STIMATE: variants seen among roughly 807,000 people sequenced by gnomAD.
STIMATE encodes store-operated calcium entry regulator STIMATE.
In STIMATE, 15 loss-of-function variants were observed where a neutral mutation model predicts 36.7. The ratio of observed to expected loss-of-function variants is 0.41; its 90% CI spans 0.27 to 0.63. The LOEUF is 0.63. Ranked by LOEUF, STIMATE falls within the 20% of genes least tolerant of loss-of-function variation. The pLI is 0.32. For synonymous variants in STIMATE, 163 were observed against 162.3 expected, an observed-to-expected ratio of 1.00 and a Z score of -0.03; for missense variants, 305 against 397.3, an observed-to-expected ratio of 0.77 and a Z score of 1.98.
chr3:52,852,129 T>TG (rs1187221915), intron 3 of STIMATE, among the ~76,000 whole-genome samples: 1 of 152,152 alleles, frequency 6.6e-6, no homozygotes, highest in Non-Finnish European at 1.5e-5. Flanking sequence ...AGGTCACAGA[T>TG]GGATTGCTCT....
intron 4 of STIMATE, among the ~76,000 whole-genome samples, chr3:52,846,047 A>G (rs1250273125): frequency 6.6e-6 from 1 of 152,348 alleles, no homozygotes; most frequent in South Asian, 2.1e-4. Flanking sequence ...TTTCTGCAGC[A>G]ATCCCTGTTT....
intron 1 of STIMATE, among the ~76,000 whole-genome samples, chr3:52,864,945 CTCTTT>C (rs1351657172): frequency 6.8e-6 from 1 of 146,484 alleles, no homozygotes. Flanking sequence ...ACAAGTCTCT[CTCTTT>C]TCTTTTTTTT....
At chr3:52,855,577 C>G in intron 1 of STIMATE, 133 bp from the exon 2 acceptor site, 2 of 1,289,864 alleles carry the variant, frequency 1.6e-6, no homozygotes, top group East Asian at 2.5e-5. Context: ...TAACATGTAA[C>G]AACATACAGT....
chr3:52,850,198 C>T (rs191680168), intron 3 of STIMATE, among the ~76,000 whole-genome samples: 15 of 152,222 alleles, frequency 9.9e-5, no homozygotes, highest in South Asian at 4.1e-4. Flanking sequence ...TTTGGGAGGC[C>T]GAGGCGGGTG....
At position 52,897,534 on chromosome 3, in the gene STIMATE, C is replaced by G. The variant is rs1020692217; in HGVS notation, c.-84G>C. 1.2e-5 allele frequency: 14 copies of G among 1,180,310 alleles called. No homozygotes were observed. The highest frequency in any genetic ancestry group is 3.2e-5 in the African/African-American group (2 of 62,270). 73.1% of individuals were successfully genotyped at this position (1,180,310 alleles called of 1,614,324 possible). A position where few individuals can be genotyped will look rare whatever the true frequency, so the allele number is the denominator to read the frequency against. On this transcript the variant is annotated 5_prime_UTR_variant, in exon 1 of 8. Coordinates refer to ENST00000355083, the MANE Select transcript of STIMATE (RefSeq NM_198563.5). ...GGCGCAGCGCCGCCAAACCCGCAGC[C>G]GGGATCCCAAGCCTGAGCCGGTACC...
At chr3:52,851,018 C>T (rs144795191) in intron 3 of STIMATE, among the ~76,000 whole-genome samples, 5 of 152,204 alleles carry the variant, frequency 3.3e-5, no homozygotes, top group Non-Finnish European at 5.9e-5. Flanking sequence ...CCTGAGCCAC[C>T]GTGCCCGGCC....
At chr3:52,878,198 G>A (rs9850563) in intron 1 of STIMATE, among the ~76,000 whole-genome samples, 83,725 of 151,924 alleles carry the variant, frequency 0.55, 24,008 homozygotes, top group Non-Finnish European at 0.63. Context: ...CTACCATAAT[G>A]TGGCCTGGTG....
intron 1 of STIMATE, among the ~76,000 whole-genome samples, chr3:52,874,172 T>C (rs1269081672): frequency 2.0e-5 from 3 of 152,212 alleles, no homozygotes; most frequent in African/African-American, 2.4e-5. Flanking sequence ...TGTCCATCGA[T>C]AGGGAAGGGG....
chr3:52,890,254 A>C (rs1299071490), intron 1 of STIMATE, among the ~76,000 whole-genome samples: 1 of 152,228 alleles, frequency 6.6e-6, no homozygotes, highest in Non-Finnish European at 1.5e-5. Flanking sequence ...CGTCAAGGAA[A>C]CATCCAATAG....
intron 1 of STIMATE, among the ~76,000 whole-genome samples, chr3:52,869,357 T>G (rs1397871664): frequency 6.6e-6 from 1 of 152,216 alleles, no homozygotes; most frequent in Non-Finnish European, 1.5e-5. Context: ...ACAGGCTTTG[T>G]AAGTTGGCAA....
At chr3:52,856,667 G>A (rs1575331864) in intron 1 of STIMATE, among the ~76,000 whole-genome samples, 1 of 150,096 alleles carries the variant, frequency 6.7e-6, no homozygotes, top group Admixed American at 6.6e-5. Context: ...CTGGGCAACA[G>A]AGCGAGACTC....
At chr3:52,891,404 G>T (rs901059772) in intron 1 of STIMATE, among the ~76,000 whole-genome samples, 1 of 152,230 alleles carries the variant, frequency 6.6e-6, no homozygotes, top group Non-Finnish European at 1.5e-5. Context: ...CAGAAAAGAG[G>T]CCGGCTCCAG....
chr3:52,871,186 C>A (rs892403431), intron 1 of STIMATE, among the ~76,000 whole-genome samples: 1 of 152,158 alleles, frequency 6.6e-6, no homozygotes, highest in Non-Finnish European at 1.5e-5. Context: ...AGGTACCAAA[C>A]AAAGGGTGAC....
intron 3 of STIMATE, among the ~76,000 whole-genome samples, chr3:52,850,592 G>A (rs1700980975): frequency 6.6e-6 from 1 of 152,202 alleles, no homozygotes; most frequent in Non-Finnish European, 1.5e-5. Context: ...TGACAGTCCA[G>A]CCCAGGAGGC....
intron 1 of STIMATE, among the ~76,000 whole-genome samples, chr3:52,874,990 T>C (rs1006331909): frequency 1.3e-5 from 2 of 152,194 alleles, no homozygotes; most frequent in African/African-American, 4.8e-5. Context: ...AGAGAAAAGC[T>C]TCCAGCAGGC....
intron 1 of STIMATE, 114 bp downstream of exon 1, chr3:52,897,177 G>T (rs1300326678): frequency 2.9e-6 from 4 of 1,357,516 alleles, no homozygotes; most frequent in Non-Finnish European, 3.9e-6. Flanking sequence ...GTTTGCGGGG[G>T]AGGAGCAATT....
Position 52,849,486 on chromosome 3 carries a change from C to G in STIMATE, c.427+306G>C, listed in dbSNP as rs374781908. 7.9e-5 allele frequency among the ~76,000 whole-genome samples: 12 copies of G among 152,326 alleles called. No individual in the cohort carries two copies. The East Asian group carries it at 1.2e-3, about 15-fold the overall frequency. On this transcript the variant is annotated intron_variant, in intron 4 of 7. Transcript: ENST00000355083. ...TGGCAGAACGAAGAGTCCCTGCGGG[C>G]CTGTGTGTGGGACTGCTGGTGTCTT... is the stretch of plus-strand genomic sequence containing the variant.
intron 1 of STIMATE, among the ~76,000 whole-genome samples, chr3:52,874,697 C>T (rs1701468426): frequency 6.6e-6 from 1 of 152,012 alleles, no homozygotes; most frequent in South Asian, 2.1e-4. Flanking sequence ...CCAGTCTCTA[C>T]TGAAAATAAA....
intron 1 of STIMATE, among the ~76,000 whole-genome samples, chr3:52,896,227 T>C (rs2106743125): frequency 6.6e-6 from 1 of 152,226 alleles, no homozygotes. Context: ...AGCTGCAAGA[T>C]CCCTCCTGAG....
Sources: gnomAD v4.1 joint callset for allele counts (sites outside exome capture counted in the v4.1 genomes callset) on GRCh38, gnomAD v4.1.1 for gene constraint, MANE v1.5 for transcripts, NCBI Gene and HGNC (gene_info 2026-07-23, HGNC 2026-07-21) for gene names.